Variants in MCTP1 observed in about 807,000 individuals in gnomAD.
The protein encoded by MCTP1 is multiple C2 and transmembrane domain-containing protein 1.
A neutral mutation model predicts 120.6 loss-of-function variants in MCTP1; 69 were observed. That is an observed-to-expected ratio of 0.57 (90% confidence interval 0.47 to 0.70). The LOEUF (loss-of-function observed/expected upper bound fraction) is 0.70, where lower values mean the gene tolerates loss of function less well. MCTP1 is among the 30% of genes least tolerant of loss of function. The pLI is 0.00. For synonymous variants in MCTP1, 529 were observed against 493.1 expected (o/e 1.07, Z -0.96); for missense variants, 1,203 against 1,248.8 (o/e 0.96, Z 0.55).
At chr5:95,107,625 C>G (rs912958485) in intron 1 of MCTP1, among the ~76,000 whole-genome samples, 3 of 152,168 alleles carry the variant, frequency 2.0e-5, no homozygotes, top group Admixed American at 1.3e-4. Context: ...TTTTCTGAGT[C>G]TCTCAGTTTT....
intron 14 of MCTP1, 88 bp from the exon 15 acceptor site, chr5:94,871,061 C>T: frequency 9.3e-7 from 1 of 1,076,526 alleles, no homozygotes; most frequent in Non-Finnish European, 1.4e-6. Flanking sequence ...GCTGCTGAAA[C>T]TGACAGAGAA....
At chr5:94,729,720 T>C (rs1762789088) in intron 19 of MCTP1, among the ~76,000 whole-genome samples, 1 of 152,096 alleles carries the variant, frequency 6.6e-6, no homozygotes, top group Admixed American at 6.6e-5. Flanking sequence ...CTCAACTTGC[T>C]TGAGGAAACA....
chr5:94,748,606 GTTCT>G (rs1229868233), intron 19 of MCTP1, among the ~76,000 whole-genome samples: 6 of 152,220 alleles, frequency 3.9e-5, no homozygotes, highest in East Asian at 3.9e-4. Context: ...TCTGATCTTT[GTTCT>G]TTCTATTAAT....
At chr5:95,171,946 T>C (rs1001774451) in intron 1 of MCTP1, among the ~76,000 whole-genome samples, 1 of 152,210 alleles carries the variant, frequency 6.6e-6, no homozygotes, top group African/African-American at 2.4e-5. Flanking sequence ...GTTCCATTGC[T>C]GGAGAGGAGC....
At chr5:95,107,192 G>A (rs756013058) in intron 1 of MCTP1, among the ~76,000 whole-genome samples, 6 of 152,090 alleles carry the variant, frequency 3.9e-5, no homozygotes, top group Non-Finnish European at 8.8e-5. Context: ...AATTTATTTT[G>A]ATGTCATTAA....
intron 1 of MCTP1, among the ~76,000 whole-genome samples, chr5:95,041,809 G>A (rs1842411653): frequency 6.6e-6 from 1 of 152,178 alleles, no homozygotes; most frequent in African/African-American, 2.4e-5. Flanking sequence ...CAAGGAAGTA[G>A]CATATTTTAA....
chr5:94,708,564 T>C lies in MCTP1; in HGVS notation c.2876A>G (p.Asp959Gly), dbSNP rs1276540601. The change falls in exon 22 of 23, where the codon GAT becomes GGT. Residue 959 changes from aspartate to glycine, a missense_variant. Physicochemically the swap from Asp to Gly is moderately conservative, Grantham distance 94. Coordinates refer to ENST00000515393, the MANE Select transcript of MCTP1 (RefSeq NM_024717.7). ...AAGGAAGTCAAGTAGTTCATTGTTA[T>C]CAATTGCATATGGACTCCGAAGCTT... ...TKKLRSPYAI[D>G]NNELLDFLSR... The C allele has an allele frequency of 6.2e-7, 1 of 1,611,712 alleles. No individual in the cohort carries two copies. The highest frequency in any genetic ancestry group is 8.5e-7 in the Non-Finnish European group (1 of 1,178,382).
intron 17 of MCTP1, among the ~76,000 whole-genome samples, chr5:94,848,268 AAAG>A (rs955502595): frequency 9.2e-5 from 14 of 152,320 alleles, no homozygotes; most frequent in African/African-American, 3.4e-4. Flanking sequence ...ATTAAGAAAT[AAAG>A]AAGCGTCTTT....
At chr5:94,999,463 T>A (rs1198492571) in intron 2 of MCTP1, among the ~76,000 whole-genome samples, 1 of 152,186 alleles carries the variant, frequency 6.6e-6, no homozygotes, top group East Asian at 1.9e-4. Flanking sequence ...TGGCAAAGTC[T>A]ATGCACATGA....
intron 1 of MCTP1, among the ~76,000 whole-genome samples, chr5:95,244,135 C>T (rs1381628451): frequency 6.6e-6 from 1 of 152,204 alleles, no homozygotes; most frequent in Non-Finnish European, 1.5e-5. Context: ...TAATAGGTTG[C>T]TTCCAAGATG....
rs141262311 is a variant in MCTP1, at chr5:95,038,147, A to G, written c.721-20663T>C. The G allele has an allele frequency of 1.3e-5, 13 of 983,976 alleles. No homozygotes were observed. In the East Asian group the frequency reaches 1.3e-3, roughly 95 times the overall value. The allele number at this position is 983,976 out of a possible 1,614,324, so 61.0% of individuals were successfully genotyped here. ...CTGTGGATGGAGTAGGATCTCATAC[A>G]CTCAGTTGTGCGAATAGCAAGTTAT... On this transcript the variant is annotated intron_variant, in intron 1 of 22. Transcript: ENST00000515393.
chr5:94,937,495 C>T (rs756449155), intron 5 of MCTP1, among the ~76,000 whole-genome samples: 1 of 151,998 alleles, frequency 6.6e-6, no homozygotes, highest in Non-Finnish European at 1.5e-5. Context: ...TTTCATGTAA[C>T]CCACCTACTT....
At position 95,273,665 on chromosome 5, in the gene MCTP1, C is replaced by G. The variant is rs1458166442; in HGVS notation, c.720+10191G>C. 2.0e-5 allele frequency among the ~76,000 whole-genome samples: 3 copies of G among 152,180 alleles called. No homozygotes were observed. In the East Asian group the frequency reaches 5.8e-4, roughly 29 times the overall value. Reference sequence around the variant, plus strand: ...GAGAACCATTTTATTCTGAAGAACTCAAATAACTTCAAGAATAGGAGCTAT... The same window carrying G: ...GAGAACCATTTTATTCTGAAGAACTGAAATAACTTCAAGAATAGGAGCTAT... On this transcript the variant is annotated intron_variant, in intron 1 of 22. Transcript: ENST00000515393.
chr5:95,280,837 A>C (rs1247885154), intron 1 of MCTP1, among the ~76,000 whole-genome samples: 1 of 151,928 alleles, frequency 6.6e-6, no homozygotes, highest in African/African-American at 2.4e-5. Context: ...TATACCCGTG[A>C]CTCCCAAATC....
chr5:94,986,799 C>T (rs537005453), intron 2 of MCTP1, among the ~76,000 whole-genome samples: 4 of 152,220 alleles, frequency 2.6e-5, no homozygotes, highest in Non-Finnish European at 4.4e-5. Flanking sequence ...GTGTGAGCCA[C>T]CGCGTCGGGC....
At chr5:95,181,153 C>T (rs933551969) in intron 1 of MCTP1, among the ~76,000 whole-genome samples, 1 of 152,238 alleles carries the variant, frequency 6.6e-6, no homozygotes, top group African/African-American at 2.4e-5. Flanking sequence ...TCTAAAAATG[C>T]ATATTGAATC....
intron 1 of MCTP1, among the ~76,000 whole-genome samples, chr5:95,262,079 T>C (rs538955771): frequency 6.6e-6 from 1 of 152,310 alleles, no homozygotes; most frequent in East Asian, 1.9e-4. Context: ...GGCACAGCTG[T>C]GAAGCCATCA....
At chr5:95,029,696 T>C (rs1036588344) in intron 1 of MCTP1, among the ~76,000 whole-genome samples, 8 of 152,170 alleles carry the variant, frequency 5.3e-5, no homozygotes, top group African/African-American at 1.9e-4. Flanking sequence ...CCCTCTGACC[T>C]TGTGACTCAG....
At chr5:94,729,977 A>G (rs1762833342) in intron 19 of MCTP1, among the ~76,000 whole-genome samples, 1 of 152,228 alleles carries the variant, frequency 6.6e-6, no homozygotes, top group Non-Finnish European at 1.5e-5. Flanking sequence ...CTGTGTGGGG[A>G]AAACAAGATA....
Sources: gnomAD v4.1 joint callset for allele counts (sites outside exome capture counted in the v4.1 genomes callset) on GRCh38, gnomAD v4.1.1 for gene constraint, MANE v1.5 for transcripts, NCBI Gene and HGNC (gene_info 2026-07-23, HGNC 2026-07-21) for gene names.